CFAP70: variants seen among roughly 807,000 people sequenced by gnomAD.
The protein encoded by CFAP70 is cilia- and flagella-associated protein 70.
Under a neutral mutation model 137.6 loss-of-function variants are expected in CFAP70, and 81 were observed. The observed-to-expected ratio is 0.59, with a 90% CI of 0.49 to 0.71. The LOEUF (loss-of-function observed/expected upper bound fraction) is 0.71. Among genes scored for constraint, CFAP70 ranks in the 30% least tolerant of loss-of-function variants. CFAP70 has a pLI of 0.00. For missense variants in CFAP70, 976 were observed against 1,226.7 expected (o/e 0.80, Z 3.05); for synonymous variants, 382 against 423.6 (o/e 0.90, Z 1.20).
intron 9 of CFAP70, among the ~76,000 whole-genome samples, chr10:73,314,822 T>C (rs933719053): frequency 6.6e-6 from 1 of 151,914 alleles, no homozygotes; most frequent in African/African-American, 2.4e-5. Flanking sequence ...CCCAGGCTTG[T>C]CTCAAACTCC....
At chr10:73,343,569 C>A (rs1233697856) in intron 5 of CFAP70, among the ~76,000 whole-genome samples, 1 of 152,006 alleles carries the variant, frequency 6.6e-6, no homozygotes, top group Non-Finnish European at 1.5e-5. Context: ...ATTAGCTGGG[C>A]GTGGTAGTGG....
chr10:73,294,768 A>G (rs1459366962), intron 15 of CFAP70: 2 of 152,202 alleles, frequency 1.3e-5, no homozygotes, highest in Non-Finnish European at 2.9e-5. Flanking sequence ...GAAATCCCTC[A>G]ACTATTATAC....
rs745796413 is a variant in CFAP70 at position 73,341,450 on chromosome 10, GA to G, written c.530del (p.Phe177SerfsTer29). 1.9e-6 allele frequency: 3 copies of G among 1,614,168 alleles called. No individual in the cohort carries two copies. In the Admixed American group the frequency reaches 5.0e-5, roughly 27 times the overall value. ...CTTCTTCATAGGGACCACCAACAAT[GA>G]ATGCATCAGGAATGTTATTAGCTCC... On this transcript the variant is annotated frameshift_variant, in exon 6 of 27. Coordinates refer to ENST00000310715, the Ensembl canonical transcript of CFAP70. LOFTEE classifies it high-confidence loss of function.
At chr10:73,259,265 G>A (rs1422942211) in intron 25 of CFAP70, among the ~76,000 whole-genome samples, 1 of 152,110 alleles carries the variant, frequency 6.6e-6, no homozygotes, top group Non-Finnish European at 1.5e-5. Context: ...TTGGGGGCTG[G>A]TTACCCCAAT....
At chr10:73,316,487 G>T (rs6480693) in intron 9 of CFAP70, among the ~76,000 whole-genome samples, 6,216 of 100,600 alleles carry the variant, frequency 0.062, 205 homozygotes, top group African/African-American at 0.12. Context: ...TATAGATATA[G>T]ATATATATAT....
intron 8 of CFAP70, among the ~76,000 whole-genome samples, chr10:73,324,673 G>A (rs1376705253): frequency 6.6e-6 from 1 of 152,174 alleles, no homozygotes; most frequent in Non-Finnish European, 1.5e-5. Flanking sequence ...CAAGGCTCGA[G>A]AACTACGTGA....
At chr10:73,274,177 C>A (rs2046524902) in intron 23 of CFAP70, among the ~76,000 whole-genome samples, 1 of 152,202 alleles carries the variant, frequency 6.6e-6, no homozygotes, top group Non-Finnish European at 1.5e-5. Context: ...TTTTAGCTAG[C>A]ATAACATTTA....
At chr10:73,283,358 G>T (rs777811489) in intron 19 of CFAP70, among the ~76,000 whole-genome samples, 1 of 152,084 alleles carries the variant, frequency 6.6e-6, no homozygotes, top group Non-Finnish European at 1.5e-5. Flanking sequence ...CTGGTTAATG[G>T]TGCTGTTCAA....
At chr10:73,346,059 C>G (rs1589578077) in intron 4 of CFAP70, among the ~76,000 whole-genome samples, 1 of 151,362 alleles carries the variant, frequency 6.6e-6, no homozygotes, top group East Asian at 2.1e-4. Context: ...CCACCATGCC[C>G]AGCTAATTTT....
intron 9 of CFAP70, among the ~76,000 whole-genome samples, chr10:73,320,061 T>C (rs572072409): frequency 3.9e-4 from 59 of 152,214 alleles, no homozygotes; most frequent in Non-Finnish European, 7.6e-4. Context: ...TGATATGTAT[T>C]CAAATATTTT....
chr10:73,308,810 GAAAAA>G (rs199522556), intron 12 of CFAP70, among the ~76,000 whole-genome samples: 1 of 92,486 alleles, frequency 1.1e-5, no homozygotes, highest in Non-Finnish European at 2.7e-5. Flanking sequence ...CAAGAGAAAT[GAAAAA>G]AAAAAAAAAA....
chr10:73,258,136 TA>T (rs1286148814), intron 25 of CFAP70, among the ~76,000 whole-genome samples: 1 of 152,196 alleles, frequency 6.6e-6, no homozygotes, highest in Non-Finnish European at 1.5e-5. Flanking sequence ...ACATTGTACT[TA>T]AAAGTGGTTA....
At chr10:73,339,437 G>C (rs534731634) in intron 6 of CFAP70, among the ~76,000 whole-genome samples, 230 of 152,352 alleles carry the variant, frequency 1.5e-3, no homozygotes, top group Admixed American at 3.5e-3. Context: ...TCCTTGGTCT[G>C]TTGCTTTTCC....
chr10:73,323,331 CGG>C (rs375347388), intron 8 of CFAP70, among the ~76,000 whole-genome samples: 1 of 47,460 alleles, frequency 2.1e-5, no homozygotes. Flanking sequence ...ATGGCGGGGG[CGG>C]GGGGGGGGCA....
intron 5 of CFAP70, among the ~76,000 whole-genome samples, chr10:73,343,067 G>A (rs369700697): frequency 2.3e-4 from 35 of 152,078 alleles, no homozygotes; most frequent in African/African-American, 6.5e-4. Flanking sequence ...AAAATTAGCC[G>A]GGCCTGGTGG....
rs575584878 is a variant in CFAP70, at chr10:73,319,962, T to C, written c.912+3001A>G. ...TTGCCCATTAAGAAAAAGTTTGTTA[T>C]TCTTCTAGATTGAAAAAACTACTAT... is the stretch of plus-strand genomic sequence containing the variant. On this transcript the variant is annotated intron_variant, in intron 9 of 26. Transcript: ENST00000310715. 2.6e-4 allele frequency among the ~76,000 whole-genome samples: 39 copies of C among 152,366 alleles called. 1 individual carries two copies. In the South Asian group the frequency reaches 7.2e-3, roughly 28 times the overall value.
chr10:73,329,937 G>C (rs1008590185), intron 8 of CFAP70, among the ~76,000 whole-genome samples: 1 of 152,146 alleles, frequency 6.6e-6, no homozygotes, highest in South Asian at 2.1e-4. Context: ...CTCCTGTCAT[G>C]TATTTACCAT....
At chr10:73,262,747 G>A (rs1443819881) in intron 25 of CFAP70, among the ~76,000 whole-genome samples, 1 of 152,068 alleles carries the variant, frequency 6.6e-6, no homozygotes, top group Non-Finnish European at 1.5e-5. Context: ...CCACTGGGGG[G>A]TCTTGGAACA....
At chr10:73,303,984 C>A (rs1254453960) in intron 12 of CFAP70, among the ~76,000 whole-genome samples, 1 of 152,014 alleles carries the variant, frequency 6.6e-6, no homozygotes. Flanking sequence ...TTTAATGCGG[C>A]CTTCCTTTTC....
Sources: gnomAD v4.1 joint callset for allele counts (sites outside exome capture counted in the v4.1 genomes callset) on GRCh38, gnomAD v4.1.1 for gene constraint, MANE v1.5 for transcripts, NCBI Gene and HGNC (gene_info 2026-07-23, HGNC 2026-07-21) for gene names.